The following SMG5 variants were observed in gnomAD, a reference collection of about 807,000 sequenced individuals.
SMG5 encodes nonsense-mediated mRNA decay factor SMG5.
A neutral mutation model predicts 122.9 loss-of-function variants in SMG5; 53 were observed. The observed-to-expected ratio is 0.43, with a 90% CI of 0.35 to 0.54. The LOEUF is 0.54. SMG5 is among the 20% of genes least tolerant of loss of function. The pLI is 0.01. For synonymous variants in SMG5, 477 were observed against 490.2 expected, an observed-to-expected ratio of 0.97 and a Z score of 0.35; for missense variants, 1,153 against 1,285.6, an observed-to-expected ratio of 0.90 and a Z score of 1.58.
chr1:156,278,888 A>C (rs1408944161), intron 2 of SMG5, 48 bp downstream of exon 2: 1 of 1,484,920 alleles, frequency 6.7e-7, no homozygotes, highest in South Asian at 1.1e-5. Flanking sequence ...TCTGGTAGAG[A>C]TAGGCAGGGA....
chr1:156,259,633 C>T (rs941839960), intron 15 of SMG5, among the ~76,000 whole-genome samples: 2 of 152,102 alleles, frequency 1.3e-5, no homozygotes, highest in Non-Finnish European at 2.9e-5. Flanking sequence ...GGGCTGAAGT[C>T]ATCCTCCTGC....
chr1:156,282,388 T>C (rs952208719), intron 1 of SMG5, among the ~76,000 whole-genome samples: 2 of 152,082 alleles, frequency 1.3e-5, no homozygotes, highest in Non-Finnish European at 2.9e-5. Context: ...GCAGAGGGGA[T>C]TCCTCCACGT....
At position 156,274,485 on chromosome 1, in the gene SMG5, C is replaced by T. The variant is rs1243193348; in HGVS notation, c.544+112G>A. 5 of 947,110 alleles carry T rather than the reference C, an allele frequency of 5.3e-6. No homozygotes were observed. In the African/African-American group the frequency reaches 8.1e-5, roughly 15 times the overall value. The allele number at this position is 947,110 out of a possible 1,614,324, so 58.7% of individuals were successfully genotyped here. A position where few individuals can be genotyped will look rare whatever the true frequency, so the allele number is the denominator to read the frequency against. The stretch of plus-strand genomic sequence containing the variant: ...ATGGGAGGGAAAAAGTTATCAGAAG[C>T]CAAACTATCCCTCCTGCTCTCCAAC... On this transcript the variant is annotated intron_variant, in intron 5 of 21. Transcript: ENST00000361813.
chr1:156,281,805 C>A (rs1185440639), intron 1 of SMG5, among the ~76,000 whole-genome samples: 10 of 152,204 alleles, frequency 6.6e-5, no homozygotes, highest in Admixed American at 6.5e-4. Flanking sequence ...AACAAATTCT[C>A]CACCTTTGAT....
chr1:156,262,578 T>A (rs1661906552), intron 13 of SMG5, among the ~76,000 whole-genome samples: 1 of 151,712 alleles, frequency 6.6e-6, no homozygotes, highest in South Asian at 2.1e-4. Flanking sequence ...GTGGCTTCTC[T>A]ACGTCTAGCA....
upstream of SMG5, chr1:156,285,372 T>C: frequency 1.3e-6 from 2 of 1,580,650 alleles, no homozygotes; most frequent in Non-Finnish European, 1.7e-6. Flanking sequence ...TCCCTCAGAG[T>C]GGGGTCTTCA....
At chr1:156,286,482 G>A (rs781368177), upstream of SMG5, 1 of 1,613,844 alleles carries the variant, frequency 6.2e-7, no homozygotes, top group South Asian at 1.1e-5. Context: ...CGGTAAGTTG[G>A]GGCAGAGGGT....
intron 10 of SMG5, among the ~76,000 whole-genome samples, chr1:156,266,902 A>G (rs1256381909): frequency 6.6e-6 from 1 of 151,920 alleles, no homozygotes; most frequent in Admixed American, 6.6e-5. Context: ...CGGCCTCCCA[A>G]AGTGCTGGGA....
chr1:156,252,508 G>C lies in SMG5; in HGVS notation c.2663-4C>G, dbSNP rs199933451. The C allele has an allele frequency of 5.0e-6, 8 of 1,613,974 alleles. No homozygotes were observed. The highest frequency in any genetic ancestry group is 6.8e-6 in the Non-Finnish European group (8 of 1,179,968). Reference sequence around the variant, plus strand: ...AGCAAATCCAGGCCATCGATCACTGGTGGGCAAGGTAGGGAAAGACAAAAC... The same window carrying C: ...AGCAAATCCAGGCCATCGATCACTGCTGGGCAAGGTAGGGAAAGACAAAAC... On this transcript the variant is annotated splice_region_variant and splice_polypyrimidine_tract_variant and intron_variant, in intron 18 of 21. Coordinates refer to ENST00000361813, the MANE Select transcript of SMG5 (RefSeq NM_015327.3).
At chr1:156,272,494 G>A (rs1262720025) in intron 6 of SMG5, 96 bp from the exon 7 acceptor site, 1 of 966,392 alleles carries the variant, frequency 1.0e-6, no homozygotes, top group African/African-American at 1.6e-5. Flanking sequence ...CCTGTAGGGA[G>A]AACAGCTGGG....
chr1:156,263,274 T>C, intron 13 of SMG5, 121 bp downstream of exon 13: 1 of 1,127,120 alleles, frequency 8.9e-7, no homozygotes, highest in Non-Finnish European at 1.3e-6. Context: ...AGATAGGTGA[T>C]TAATTGCTTG....
At chr1:156,286,103 C>G, upstream of SMG5, 2 of 1,443,486 alleles carry the variant, frequency 1.4e-6, no homozygotes, top group Non-Finnish European at 9.4e-7. Flanking sequence ...GGTCTCCCAC[C>G]CCCTGCCAGT....
At chr1:156,259,358 G>C (rs929161771) in intron 15 of SMG5, among the ~76,000 whole-genome samples, 195 bp from the exon 16 acceptor site, 1 of 152,046 alleles carries the variant, frequency 6.6e-6, no homozygotes, top group African/African-American at 2.4e-5. Context: ...CTAACTGCCA[G>C]AAAACGAGTA....
chr1:156,256,764 G>C (rs1336309138), intron 16 of SMG5, among the ~76,000 whole-genome samples: 1 of 152,098 alleles, frequency 6.6e-6, no homozygotes, highest in Non-Finnish European at 1.5e-5. Context: ...GCAACTCCTA[G>C]TGCCCACTTG....
intron 10 of SMG5, 21 bp downstream of exon 10, chr1:156,267,449 G>C: frequency 6.2e-7 from 1 of 1,611,114 alleles, no homozygotes; most frequent in Non-Finnish European, 8.5e-7. Flanking sequence ...GAAGAGAAAA[G>C]AGGAACATAG....
At chr1:156,275,048 GA>G (rs1662618539) in intron 4 of SMG5, among the ~76,000 whole-genome samples, 1 of 142,954 alleles carries the variant, frequency 7.0e-6, no homozygotes, top group Non-Finnish European at 1.5e-5. Context: ...GTCTTGGGTA[GA>G]AGTTACACAC....
upstream of SMG5, chr1:156,283,105 A>C: frequency 8.4e-6 from 3 of 355,580 alleles, no homozygotes; most frequent in Middle Eastern, 7.4e-4. Flanking sequence ...TTGTCCTACA[A>C]TGGTCATTTG....
chr1:156,279,664 A>G (rs1662843513), intron 1 of SMG5, among the ~76,000 whole-genome samples: 1 of 152,246 alleles, frequency 6.6e-6, no homozygotes, highest in African/African-American at 2.4e-5. Context: ...ATAATGGTGG[A>G]ATGAATAAAT....
In SMG5 at chr1:156,250,988, TAG is replaced by T; in HGVS notation, c.2835_2836del (p.Tyr946Ter). On this transcript the variant is annotated frameshift_variant, in exon 21 of 22. Coordinates refer to ENST00000361813, the MANE Select transcript of SMG5 (RefSeq NM_015327.3). LOFTEE classifies it high-confidence loss of function. ...CTGTTTGCAGCTGTCTAGGATCTTA[TAG>T]AGAGTCCTGGGGATGGGGGGCAGAG... The T allele has an allele frequency of 6.2e-7, 1 of 1,613,768 alleles. No individual in the cohort carries two copies. Among genetic ancestry groups the T allele is most frequent in the Non-Finnish European group, 8.5e-7 (1 of 1,179,842 alleles).
Sources: gnomAD v4.1 joint callset for allele counts (sites outside exome capture counted in the v4.1 genomes callset) on GRCh38, gnomAD v4.1.1 for gene constraint, MANE v1.5 for transcripts, NCBI Gene and HGNC (gene_info 2026-07-23, HGNC 2026-07-21) for gene names.